The following FOCAD variants were observed in gnomAD, a reference collection of about 807,000 sequenced individuals.
The protein encoded by FOCAD is KIAA1797.
Under a neutral mutation model 225.6 loss-of-function variants are expected in FOCAD, and 198 were observed. The observed-to-expected ratio is 0.88, with a 90% confidence interval of 0.78 to 0.99. The LOEUF (loss-of-function observed/expected upper bound fraction) is 0.99. Among genes scored for constraint, FOCAD ranks in the 50% least tolerant of loss-of-function variants. FOCAD has a pLI of 0.00. For synonymous variants in FOCAD, 897 were observed against 755.0 expected, an observed-to-expected ratio of 1.19 and a Z score of -3.08; for missense variants, 2,713 against 2,123.6, an observed-to-expected ratio of 1.28 and a Z score of -5.46.
chr9:20,782,118 A>G (rs1273621820), intron 10 of FOCAD, among the ~76,000 whole-genome samples, 189 bp downstream of exon 10: 1 of 152,196 alleles, frequency 6.6e-6, no homozygotes, highest in Non-Finnish European at 1.5e-5. Context: ...GTTGTGAAAT[A>G]AGTTTGAAAA....
chr9:20,927,538 A>G (rs548790288), intron 26 of FOCAD, among the ~76,000 whole-genome samples: 16 of 152,244 alleles, frequency 1.1e-4, no homozygotes, highest in Non-Finnish European at 2.1e-4. Flanking sequence ...TTTAAAAAAA[A>G]AAGCCACCTG....
intron 2 of FOCAD, among the ~76,000 whole-genome samples, chr9:20,661,823 G>A (rs567507891): frequency 6.6e-6 from 1 of 152,238 alleles, no homozygotes; most frequent in East Asian, 1.9e-4. Flanking sequence ...ATATACTTAG[G>A]CAGGTACAAA....
At chr9:20,967,326 C>A (rs1300301747) in intron 35 of FOCAD, among the ~76,000 whole-genome samples, 1 of 152,040 alleles carries the variant, frequency 6.6e-6, no homozygotes, top group Non-Finnish European at 1.5e-5. Context: ...TTATTCACTG[C>A]CAGAATATAA....
intron 35 of FOCAD, among the ~76,000 whole-genome samples, chr9:20,958,892 G>C (rs1157678077): frequency 2.6e-5 from 4 of 152,094 alleles, no homozygotes; most frequent in Non-Finnish European, 5.9e-5. Flanking sequence ...GGGCTTAATA[G>C]TATTCCATTG....
At chr9:20,683,394 C>G (rs1314231844), upstream of FOCAD, 1 of 152,058 alleles carries the variant, frequency 6.6e-6, no homozygotes, top group African/African-American at 2.4e-5. Flanking sequence ...TTAACTCTTT[C>G]ATCTTGCGTA....
intron 11 of FOCAD, among the ~76,000 whole-genome samples, chr9:20,818,499 G>C (rs112477070): frequency 1.3e-5 from 2 of 151,844 alleles, no homozygotes; most frequent in Non-Finnish European, 2.9e-5. Context: ...GTTTTAGCTC[G>C]TACATTTAGT....
At chr9:20,939,150 C>CAAAAGAAAAAAA (rs1836359489) in intron 28 of FOCAD, among the ~76,000 whole-genome samples, 1 of 72,498 alleles carries the variant, frequency 1.4e-5, no homozygotes, top group Non-Finnish European at 2.7e-5. Context: ...ACTCTCTTCT[C>CAAAAGAAAAAAA]AAAAAAAAAA....
chr9:20,691,023 A>G (rs955676805), intron 1 of FOCAD, among the ~76,000 whole-genome samples: 9 of 151,682 alleles, frequency 5.9e-5, no homozygotes, highest in Non-Finnish European at 4.4e-5. Context: ...GCTCACTGCA[A>G]CCTTCATCTC....
intron 41 of FOCAD, among the ~76,000 whole-genome samples, chr9:20,988,800 C>A (rs1033080764): frequency 6.6e-6 from 1 of 151,960 alleles, no homozygotes; most frequent in African/African-American, 2.4e-5. Flanking sequence ...GGGATTGATC[C>A]CATAAAGGAT....
rs141288961 is a variant in FOCAD, at chr9:20,909,343, A to C, written c.2718+2101A>C. On this transcript the variant is annotated intron_variant, in intron 22 of 43. Coordinates refer to ENST00000338382, the MANE Select transcript of FOCAD (RefSeq NM_001375567.1). ...CAAACAGCTCAGGAACCCAACAAGC[A>C]CTAAATGAAAATACAGGAACTTAAC... Among the ~76,000 whole-genome samples the C allele has an allele frequency of 2.0e-3, 308 of 152,216 alleles. 1 individual carries two copies. The highest frequency in any genetic ancestry group is 7.2e-3 in the African/African-American group (300 of 41,546).
intron 24 of FOCAD, among the ~76,000 whole-genome samples, chr9:20,919,417 C>T (rs1318725537): frequency 1.3e-5 from 2 of 152,122 alleles, no homozygotes; most frequent in South Asian, 4.2e-4. Context: ...TCAATGCCAT[C>T]CCCATCAAGC....
chr9:20,767,676 GT>G (rs1448357308), intron 7 of FOCAD, among the ~76,000 whole-genome samples: 1 of 142,032 alleles, frequency 7.0e-6, no homozygotes, highest in Non-Finnish European at 1.6e-5. Context: ...GGGGTTGTTT[GT>G]TTTTTTCTTG....
At chr9:20,970,519 A>G (rs1839674643) in intron 35 of FOCAD, among the ~76,000 whole-genome samples, 1 of 151,988 alleles carries the variant, frequency 6.6e-6, no homozygotes, top group Admixed American at 6.6e-5. Flanking sequence ...ACAGAACTCT[A>G]TAATTTGTTT....
At chr9:20,677,757 G>T (rs891745740) in intron 2 of FOCAD, among the ~76,000 whole-genome samples, 1 of 152,210 alleles carries the variant, frequency 6.6e-6, no homozygotes, top group Admixed American at 6.5e-5. Flanking sequence ...GCAGAGCCAT[G>T]ATAGAAAACC....
At chr9:20,716,738 C>T (rs1825366950) in intron 2 of FOCAD, among the ~76,000 whole-genome samples, 1 of 152,108 alleles carries the variant, frequency 6.6e-6, no homozygotes, top group Non-Finnish European at 1.5e-5. Flanking sequence ...CAGATTTTAA[C>T]ATCTTTGAAA....
chr9:20,935,319 A>G (rs1411582241), intron 28 of FOCAD, among the ~76,000 whole-genome samples: 1 of 152,224 alleles, frequency 6.6e-6, no homozygotes, highest in Non-Finnish European at 1.5e-5. Flanking sequence ...CTAAGACCTT[A>G]GTTTTGACTT....
chr9:20,766,931 C>T (rs1056439541), intron 7 of FOCAD, among the ~76,000 whole-genome samples: 1 of 152,018 alleles, frequency 6.6e-6, no homozygotes, highest in Non-Finnish European at 1.5e-5. Context: ...CCCACTAACT[C>T]GTCATCTAGC....
At chr9:20,882,106 TA>T in intron 20 of FOCAD, 50 bp downstream of exon 20, 1 of 1,525,650 alleles carries the variant, frequency 6.6e-7, no homozygotes, top group East Asian at 2.3e-5. Context: ...TGTAATGATT[TA>T]ACTTCCACTT....
intron 15 of FOCAD, among the ~76,000 whole-genome samples, chr9:20,850,459 T>C (rs1313532287): frequency 6.6e-6 from 1 of 151,850 alleles, no homozygotes; most frequent in Admixed American, 6.6e-5. Flanking sequence ...TAGATATAAA[T>C]TGCTATGGCA....
Sources: gnomAD v4.1 joint callset for allele counts (sites outside exome capture counted in the v4.1 genomes callset) on GRCh38, gnomAD v4.1.1 for gene constraint, MANE v1.5 for transcripts, NCBI Gene and HGNC (gene_info 2026-07-23, HGNC 2026-07-21) for gene names.